MIPOL1: variants seen among roughly 807,000 people sequenced by gnomAD.
MIPOL1 encodes the protein mirror-image polydactyly gene 1 protein.
Under a neutral mutation model 60.9 loss-of-function variants are expected in MIPOL1, and 57 were observed. That is an observed-to-expected ratio of 0.94 (90% CI 0.76 to 1.17). MIPOL1 has a LOEUF of 1.17. Ranked by LOEUF, MIPOL1 falls within the 50% of genes most tolerant of loss-of-function variation. The pLI is 0.00. For synonymous variants in MIPOL1, 179 were observed against 168.8 expected, an observed-to-expected ratio of 1.06 and a Z score of -0.47; for missense variants, 551 against 511.6, an observed-to-expected ratio of 1.08 and a Z score of -0.74.
intron 10 of MIPOL1, among the ~76,000 whole-genome samples, chr14:37,374,690 G>T (rs909613922): frequency 2.0e-5 from 3 of 152,066 alleles, no homozygotes; most frequent in Non-Finnish European, 4.4e-5. Context: ...AAGACCAAAT[G>T]GTTGTAGATG....
At chr14:37,375,089 G>T (rs763634922) in intron 10 of MIPOL1, among the ~76,000 whole-genome samples, 1 of 151,976 alleles carries the variant, frequency 6.6e-6, no homozygotes, top group Non-Finnish European at 1.5e-5. Flanking sequence ...CCTTGAAGAG[G>T]TCCTTCACAT....
intron 10 of MIPOL1, among the ~76,000 whole-genome samples, chr14:37,416,856 T>C (rs2093779639): frequency 6.6e-6 from 1 of 152,188 alleles, no homozygotes; most frequent in Non-Finnish European, 1.5e-5. Context: ...TTATTTTCTT[T>C]ACTTGTTTTG....
intron 1 of MIPOL1, among the ~76,000 whole-genome samples, chr14:37,217,907 A>G (rs1421734287): frequency 6.6e-6 from 1 of 152,190 alleles, no homozygotes; most frequent in Non-Finnish European, 1.5e-5. Context: ...CCTTCTTTTT[A>G]AAAATATGCT....
intron 12 of MIPOL1, chr14:37,504,993 G>C (rs2095261711): frequency 6.6e-6 from 1 of 152,098 alleles, no homozygotes; most frequent in Admixed American, 6.6e-5. Context: ...AAATAAACTA[G>C]AAAATCTAGA....
At chr14:37,346,750 G>T (rs776363056) in intron 9 of MIPOL1, among the ~76,000 whole-genome samples, 1 of 152,094 alleles carries the variant, frequency 6.6e-6, no homozygotes, top group Non-Finnish European at 1.5e-5. Context: ...ATGGCCATGC[G>T]AGGTGAGAAC....
intron 9 of MIPOL1, among the ~76,000 whole-genome samples, chr14:37,334,331 TCAGA>T (rs2089952961): frequency 1.3e-5 from 2 of 152,066 alleles, no homozygotes; most frequent in East Asian, 3.9e-4. Flanking sequence ...CCTCGACTGT[TCAGA>T]CAATCTTAAA....
chr14:37,369,485 C>G (rs1437433771), intron 9 of MIPOL1, 32 bp from the exon 10 acceptor site: 4 of 1,531,482 alleles, frequency 2.6e-6, no homozygotes, highest in Middle Eastern at 1.7e-4. Flanking sequence ...GCTATAACTC[C>G]TTTACTTAAT....
At chr14:37,460,993 G>GA (rs1477441608) in intron 11 of MIPOL1, among the ~76,000 whole-genome samples, 4 of 152,014 alleles carry the variant, frequency 2.6e-5, no homozygotes, top group Non-Finnish European at 4.4e-5. Flanking sequence ...CACAGAATTA[G>GA]AAAAAAATAC....
At chr14:37,429,987 A>G (rs2094031517) in intron 11 of MIPOL1, among the ~76,000 whole-genome samples, 1 of 152,188 alleles carries the variant, frequency 6.6e-6, no homozygotes, top group Admixed American at 6.5e-5. Flanking sequence ...TCCCTCACCA[A>G]GAGTGGGGTT....
intron 10 of MIPOL1, among the ~76,000 whole-genome samples, chr14:37,388,058 GA>G (rs1756575837): frequency 6.6e-6 from 1 of 150,994 alleles, no homozygotes; most frequent in African/African-American, 2.4e-5. Context: ...GTGCGAACCA[GA>G]AAAAAATGTT....
rs568906943 is a variant in MIPOL1, at chr14:37,348,386, T to C, written c.829-21131T>C. On this transcript the variant is annotated intron_variant, in intron 9 of 12. Transcript: ENST00000684589. Reference sequence around the variant, plus strand: ...TATGGTCCCAGAGAATAAAATGATGTGATGATCAATTAGGACTCATCACAG... The same window carrying C: ...TATGGTCCCAGAGAATAAAATGATGCGATGATCAATTAGGACTCATCACAG... Among the ~76,000 whole-genome samples the C allele has an allele frequency of 2.7e-3, 406 of 152,260 alleles. 4 individuals are homozygous for C. The highest frequency in any genetic ancestry group is 0.01 in the Middle Eastern group (3 of 294).
chr14:37,500,287 T>C lies in MIPOL1; in HGVS notation c.1262+149T>C, dbSNP rs994372333. 6 of 645,704 alleles carry C rather than the reference T, an allele frequency of 9.3e-6. 1 individual carries two copies. In the South Asian group the frequency reaches 1.2e-4, roughly 12 times the overall value. 40.0% of individuals were successfully genotyped at this position (645,704 alleles called of 1,614,324 possible). Reference sequence around the variant, plus strand: ...ACCCAGTGAACTTTTTTAGATTGGATACCATATGCCATATTTGGGGTCAAA... The same window carrying C: ...ACCCAGTGAACTTTTTTAGATTGGACACCATATGCCATATTTGGGGTCAAA... On this transcript the variant is annotated intron_variant, in intron 12 of 12. Coordinates refer to ENST00000684589, the MANE Select transcript of MIPOL1 (RefSeq NM_001388067.1).
chr14:37,238,801 A>T (rs8011459), intron 1 of MIPOL1, among the ~76,000 whole-genome samples: 38,000 of 149,928 alleles, frequency 0.25, 4,986 homozygotes, highest in South Asian at 0.32. Flanking sequence ...AAAAAAAAAA[A>T]AAATTAGATG....
At chr14:37,514,826 G>A (rs2095356945) in intron 12 of MIPOL1, among the ~76,000 whole-genome samples, 1 of 151,916 alleles carries the variant, frequency 6.6e-6, no homozygotes, top group Admixed American at 6.6e-5. Context: ...TCTCCATGTT[G>A]GTCAGGTATA....
intron 12 of MIPOL1, among the ~76,000 whole-genome samples, chr14:37,526,196 C>CTT (rs78866640): frequency 1.6e-4 from 21 of 133,128 alleles, no homozygotes; most frequent in African/African-American, 3.3e-4. Context: ...TGTATATATG[C>CTT]TTTTTTTTTT....
chr14:37,368,426 G>A (rs537782997), intron 9 of MIPOL1, among the ~76,000 whole-genome samples: 4 of 151,996 alleles, frequency 2.6e-5, no homozygotes, highest in Non-Finnish European at 5.9e-5. Flanking sequence ...AGAAATCAGA[G>A]TAGTAAGAAA....
At chr14:37,511,670 A>G (rs2095328790) in intron 12 of MIPOL1, among the ~76,000 whole-genome samples, 1 of 152,198 alleles carries the variant, frequency 6.6e-6, no homozygotes, top group Admixed American at 6.5e-5. Flanking sequence ...TTTTAAAAAT[A>G]CATTTTGCTA....
chr14:37,424,089 A>T (rs1488767552), intron 11 of MIPOL1, among the ~76,000 whole-genome samples: 1 of 152,158 alleles, frequency 6.6e-6, no homozygotes, highest in Non-Finnish European at 1.5e-5. Context: ...AGTTGGTGAA[A>T]ATAAAGATAT....
chr14:37,427,435 T>A (rs1327907003), intron 11 of MIPOL1, among the ~76,000 whole-genome samples: 3 of 151,488 alleles, frequency 2.0e-5, no homozygotes, highest in Admixed American at 6.6e-5. Context: ...GTTATAAGAG[T>A]GGGGAATTAT....
Sources: gnomAD v4.1 joint callset for allele counts (sites outside exome capture counted in the v4.1 genomes callset) on GRCh38, gnomAD v4.1.1 for gene constraint, MANE v1.5 for transcripts, NCBI Gene and HGNC (gene_info 2026-07-23, HGNC 2026-07-21) for gene names.